Variants in DUS2 observed in about 807,000 individuals in gnomAD.
DUS2 encodes tRNA-dihydrouridine(20) synthase [NAD(P)+]-like.
Under a neutral mutation model 71.3 loss-of-function variants are expected in DUS2, and 52 were observed. The observed-to-expected ratio is 0.73, with a 90% CI of 0.58 to 0.92. The LOEUF (loss-of-function observed/expected upper bound fraction) is 0.92. Among genes scored for constraint, DUS2 ranks in the 40% least tolerant of loss-of-function variants. The pLI is 0.00. For synonymous variants in DUS2, 204 were observed against 227.8 expected, an observed-to-expected ratio of 0.90 and a Z score of 0.94; for missense variants, 558 against 622.6, an observed-to-expected ratio of 0.90 and a Z score of 1.10.
chr16:68,048,271 C>G (rs2033732505), intron 3 of DUS2, among the ~76,000 whole-genome samples: 1 of 152,196 alleles, frequency 6.6e-6, no homozygotes. Context: ...ACGTGTCTTA[C>G]TTTTTCCTGT....
chr16:68,030,688 A>T (rs1308556831), intron 2 of DUS2, among the ~76,000 whole-genome samples: 1 of 152,110 alleles, frequency 6.6e-6, no homozygotes, highest in African/African-American at 2.4e-5. Flanking sequence ...TTGCATATGT[A>T]TATATATTTC....
chr16:68,054,198 A>G (rs2033818751), intron 5 of DUS2, among the ~76,000 whole-genome samples: 1 of 152,228 alleles, frequency 6.6e-6, no homozygotes, highest in African/African-American at 2.4e-5. Flanking sequence ...TGTTAATTGT[A>G]GAATCTAAAT....
At chr16:68,045,799 C>T (rs1598305338) in intron 3 of DUS2, among the ~76,000 whole-genome samples, 1 of 150,752 alleles carries the variant, frequency 6.6e-6, no homozygotes, top group East Asian at 2.0e-4. Flanking sequence ...ATGATCTTGG[C>T]TCACTGCAAC....
intron 2 of DUS2, among the ~76,000 whole-genome samples, chr16:68,028,498 G>T (rs2033389840): frequency 6.6e-6 from 1 of 151,906 alleles, no homozygotes; most frequent in Non-Finnish European, 1.5e-5. Context: ...AATTAGCTGG[G>T]CGTGGTGGTG....
At chr16:68,048,372 C>G (rs2033733745) in intron 3 of DUS2, among the ~76,000 whole-genome samples, 1 of 152,148 alleles carries the variant, frequency 6.6e-6, no homozygotes, top group Non-Finnish European at 1.5e-5. Flanking sequence ...CTTGCCTTCC[C>G]CTGCAACTAG....
chr16:68,048,890 TAGG>T lies in DUS2; in HGVS notation c.127-611_127-609del, dbSNP rs143516516. ...TAGAGAATCTCAGTCCTCCAGCACA[TAGG>T]AGGTTTTCTTCCATTTATGATGTGA... On this transcript the variant is annotated intron_variant, in intron 3 of 16. Coordinates refer to ENST00000565263, the MANE Select transcript of DUS2 (RefSeq NM_017803.5). 6.9e-3 allele frequency among the ~76,000 whole-genome samples: 1,049 copies of T among 152,304 alleles called. 17 individuals are homozygous for T. The highest frequency in any genetic ancestry group is 0.024 in the African/African-American group (978 of 41,568).
At chr16:68,024,636 A>G (rs1026933174) in intron 1 of DUS2, among the ~76,000 whole-genome samples, 1 of 152,176 alleles carries the variant, frequency 6.6e-6, no homozygotes, top group African/African-American at 2.4e-5. Flanking sequence ...GTGCTACACA[A>G]TTAGACTTTC....
chr16:68,077,814 T>C (rs2034179555), intron 15 of DUS2: 2 of 153,020 alleles, frequency 1.3e-5, no homozygotes, highest in Non-Finnish European at 2.9e-5. Context: ...AGCCATGCCT[T>C]CCTTAGGCTG....
chr16:68,078,055 C>T, intron 15 of DUS2: 1 of 275,154 alleles, frequency 3.6e-6, no homozygotes, highest in South Asian at 4.4e-5. Context: ...TCCCTGCAGC[C>T]CTTTGCTCCA....
chr16:68,046,839 C>T (rs1390348461), intron 3 of DUS2, among the ~76,000 whole-genome samples: 2 of 151,372 alleles, frequency 1.3e-5, no homozygotes, highest in Admixed American at 6.6e-5. Flanking sequence ...CTCCGCCTGC[C>T]GGATTCATGC....
At chr16:68,070,820 C>A in intron 11 of DUS2, 120 bp from the exon 12 acceptor site, 1 of 1,001,082 alleles carries the variant, frequency 1.0e-6, no homozygotes, top group Non-Finnish European at 1.5e-6. Context: ...GCTCTGATAG[C>A]TGAAGGGACT....
chr16:68,060,605 C>T (rs1010781364), intron 7 of DUS2, among the ~76,000 whole-genome samples: 1 of 152,200 alleles, frequency 6.6e-6, no homozygotes, highest in East Asian at 1.9e-4. Flanking sequence ...TGAGCCACCA[C>T]GCCCAGCCTA....
intron 13 of DUS2, among the ~76,000 whole-genome samples, chr16:68,074,934 A>G (rs1598320637): frequency 6.6e-6 from 1 of 152,276 alleles, no homozygotes; most frequent in African/African-American, 2.4e-5. Flanking sequence ...AGACCCATGT[A>G]TAACTGCCTG....
intron 7 of DUS2, among the ~76,000 whole-genome samples, chr16:68,059,298 C>G (rs527332342): frequency 6.6e-6 from 1 of 152,212 alleles, no homozygotes; most frequent in Non-Finnish European, 1.5e-5. Flanking sequence ...CCATTTGAAT[C>G]TCTCAAATTT....
chr16:68,055,220 G>A (rs1267900574), intron 6 of DUS2, among the ~76,000 whole-genome samples: 2 of 152,230 alleles, frequency 1.3e-5, no homozygotes, highest in Admixed American at 1.3e-4. Context: ...GAGTCCTGAA[G>A]CTTTAAGTAT....
intron 3 of DUS2, among the ~76,000 whole-genome samples, chr16:68,045,720 C>A (rs561823501): frequency 2.8e-5 from 4 of 143,816 alleles, no homozygotes; most frequent in Non-Finnish European, 4.6e-5. Context: ...CTGGAACTTT[C>A]TTTTCTTTTT....
Position 68,054,595 on chromosome 16 carries a change from G to A in DUS2, c.286G>A (p.Ala96Thr), listed in dbSNP as rs35765304. The A allele has an allele frequency of 1.2e-6, 2 of 1,614,038 alleles. No individual in the cohort carries two copies. Among genetic ancestry groups the A allele is most frequent in the Non-Finnish European group, 1.7e-6 (2 of 1,180,052 alleles). Residue 96 changes from alanine to threonine, a missense_variant, in exon 6 of 17, where the codon GCC (alanine) becomes ACC (threonine). Transcript: ENST00000565263. The stretch of plus-strand genomic sequence containing the variant: ...CCAGGGGACTTCAGACGCAGAGCGA[G>A]CCCTTGCTGTGGCCAGGCTTGTGTA... Reference protein sequence around the residue: ...FQMGTSDAERALAVARLVEND... With the variant: ...FQMGTSDAERTLAVARLVEND...
At chr16:68,028,957 CAGA>C (rs1283506750) in intron 2 of DUS2, among the ~76,000 whole-genome samples, 2 of 152,064 alleles carry the variant, frequency 1.3e-5, no homozygotes, top group Non-Finnish European at 2.9e-5. Flanking sequence ...TCCAGCACTT[CAGA>C]AGGTTAGGCA....
chr16:68,066,257 C>T (rs779539040), intron 8 of DUS2, 60 bp from the exon 9 acceptor site: 8 of 1,508,696 alleles, frequency 5.3e-6, no homozygotes, highest in Non-Finnish European at 7.4e-6. Flanking sequence ...TTAATTAGTA[C>T]AGGCAGAGTG....
Sources: gnomAD v4.1 joint callset for allele counts (sites outside exome capture counted in the v4.1 genomes callset) on GRCh38, gnomAD v4.1.1 for gene constraint, MANE v1.5 for transcripts, NCBI Gene and HGNC (gene_info 2026-07-23, HGNC 2026-07-21) for gene names.